Variants in CD1C observed in about 807,000 individuals in gnomAD.
The protein encoded by CD1C is T-cell surface glycoprotein CD1c.
A neutral mutation model predicts 39.4 loss-of-function variants in CD1C; 47 were observed. The observed-to-expected ratio is 1.19, with a 90% CI of 0.94 to 1.52. The LOEUF (loss-of-function observed/expected upper bound fraction) is 1.52, where lower values mean the gene tolerates loss of function less well. CD1C is among the 40% of genes most tolerant of loss of function. The probability of loss-of-function intolerance (pLI) is 0.00; values close to 1 mark genes in which losing one functional copy is unlikely to be tolerated. For missense variants in CD1C, 417 were observed against 395.2 expected (o/e 1.06, Z -0.47); for synonymous variants, 165 against 150.8 (o/e 1.09, Z -0.69).
In CD1C at chr1:158,292,685, C is replaced by T. The variant is rs772544606; in HGVS notation, c.700C>T (p.Pro234Ser). 8.1e-6 allele frequency: 13 copies of T among 1,613,916 alleles called. No individual in the cohort carries two copies. The highest frequency in any genetic ancestry group is 1.0e-5 in the Non-Finnish European group (12 of 1,180,008). The change falls in exon 4 of 6, where the codon CCT becomes TCT. Residue 234 changes from proline (P) to serine (S), a missense_variant. Physicochemically the swap from Pro to Ser is moderately conservative, Grantham distance 74 (BLOSUM62 -1). Coordinates refer to ENST00000368170, the MANE Select transcript of CD1C (RefSeq NM_001765.3). ...TCATGCCTCCGGCTTCTACCCAAAG[C>T]CTGTTTGGGTGACATGGATGCGGAA... ...VCHASGFYPK[P>S]VWVTWMRNEQ... is the part of the protein sequence containing the mutation.
In CD1C at chr1:158,292,736, C is replaced by T. The variant is rs1240218156; in HGVS notation, c.751C>T (p.His251Tyr). 6.2e-7 allele frequency: 1 copy of T among 1,614,178 alleles called. No individual in the cohort carries two copies. Among genetic ancestry groups the T allele is most frequent in the Admixed American group, 1.7e-5 (1 of 60,024 alleles). Reference sequence around the variant, plus strand: ...TGAACAGGAGCAACTGGGCACTAAACATGGTGATATTCTTCCTAATGCTGA... The same window carrying T: ...TGAACAGGAGCAACTGGGCACTAAATATGGTGATATTCTTCCTAATGCTGA... ...RNEQEQLGTKHGDILPNADGT... is the reference protein window; with the variant it reads ...RNEQEQLGTKYGDILPNADGT... Residue 251 changes from histidine to tyrosine, a missense_variant, in exon 4 of 6, where the codon CAT becomes TAT. By Grantham distance (83) the His-to-Tyr change is moderately conservative. Coordinates refer to ENST00000368170, the MANE Select transcript of CD1C (RefSeq NM_001765.3).
rs376081322 is a variant in CD1C at position 158,293,380 on chromosome 1, A to G, written c.981-75A>G. ...TTTTTCACTCTCTTAGCTTTTCTCT[A>G]TTGACTACTCCACCTTATCCTCAGT... On this transcript the variant is annotated intron_variant, in intron 5 of 5. Coordinates refer to ENST00000368170, the MANE Select transcript of CD1C (RefSeq NM_001765.3). 2.5e-3 allele frequency: 4,047 copies of G among 1,594,014 alleles called. 14 individuals are homozygous for G. Among genetic ancestry groups the G allele is most frequent in the Non-Finnish European group, 2.5e-3 (2,878 of 1,163,884 alleles).
rs1571147169 is a variant in CD1C at position 158,293,619 on chromosome 1, T to C, written c.*143T>C. The C allele has an allele frequency of 1.3e-6, 2 of 1,587,784 alleles. No individual in the cohort carries two copies. Among genetic ancestry groups the C allele is most frequent in the Non-Finnish European group, 1.7e-6 (2 of 1,163,570 alleles). On this transcript the variant is annotated 3_prime_UTR_variant, in exon 6 of 6. Transcript: ENST00000368170. ...AAACATTTGTTAATAAAAACCAAAT[T>C]CTAATTTGGAATGTTTTTCTTGGAA... is the stretch of plus-strand genomic sequence containing the variant.
At position 158,291,182 on chromosome 1, in the gene CD1C, T is replaced by C. The variant is rs145844048; in HGVS notation, c.110T>C (p.Val37Ala). 6.8e-6 allele frequency: 11 copies of C among 1,613,960 alleles called. No individual in the cohort carries two copies. Among genetic ancestry groups the C allele is most frequent in the Non-Finnish European group, 9.3e-6 (11 of 1,179,982 alleles). Residue 37 changes from valine to alanine, a missense_variant, in exon 2 of 6, where the codon GTC becomes GCC. By Grantham distance (64) the Val-to-Ala change is moderately conservative (BLOSUM62 0). Coordinates refer to ENST00000368170, the MANE Select transcript of CD1C (RefSeq NM_001765.3). ...SFHVIQIFSF[V>A]NQSWARGQGS... ...CATGTCATCCAGATCTTCTCATTTG[T>C]CAACCAATCCTGGGCACGAGGTCAG...
chr1:158,291,105 TACACTACTTGCC>T lies in CD1C; in HGVS notation c.62-28_62-17del. The T allele has an allele frequency of 6.3e-7, 1 of 1,596,590 alleles. No individual in the cohort carries two copies. On this transcript the variant is annotated splice_polypyrimidine_tract_variant and intron_variant, in intron 1 of 5. Transcript: ENST00000368170. ...TTGCCTCTCTTTTTTTTTTTTTCCTTACACTACTTGCCCTTCTTCCACCAAAAGCATCCCAGG... is the reference window on the plus strand; with the variant it reads ...TTGCCTCTCTTTTTTTTTTTTTCCTTCTTCTTCCACCAAAAGCATCCCAGG...
intron 4 of CD1C, 108 bp from the exon 5 acceptor site, chr1:158,293,104 A>G: frequency 1.0e-6 from 1 of 959,840 alleles, no homozygotes; most frequent in Non-Finnish European, 1.6e-6. Context: ...GAAATAGGAT[A>G]ACTGATGCAA....
intron 1 of CD1C, 78 bp from the exon 2 acceptor site, chr1:158,291,056 C>T (rs898455262): frequency 4.2e-6 from 6 of 1,432,800 alleles, no homozygotes; most frequent in Non-Finnish European, 5.7e-6. Context: ...AACTGGTTCA[C>T]CTTCCATTTT....
In CD1C at chr1:158,290,639, G is replaced by A. The variant is rs1014002931; in HGVS notation, c.62-495G>A. On this transcript the variant is annotated intron_variant, in intron 1 of 5. Coordinates refer to ENST00000368170, the MANE Select transcript of CD1C (RefSeq NM_001765.3). Reference sequence around the variant, plus strand: ...TTAAGGGAAGCAGATTGTCTTAGTTGCTGTCAGTGGCTGATGGGGAAGATT... The same window carrying A: ...TTAAGGGAAGCAGATTGTCTTAGTTACTGTCAGTGGCTGATGGGGAAGATT... Among the ~76,000 whole-genome samples the A allele has an allele frequency of 2.0e-5, 3 of 152,160 alleles. No individual in the cohort carries two copies. The South Asian group carries it at 6.2e-4, about 31-fold the overall frequency.
In CD1C at chr1:158,291,393, C is replaced by A; in HGVS notation, c.321C>A (p.Tyr107Ter). ...REIQDHASQD[Y>*]SKYPFEVQVK... ...TTCAAGACCATGCAAGTCAAGATTA[C>A]TCGAAATGTAAGTTCAATCATCTAA... The change falls in exon 2 of 6, where the codon TAC becomes TAA. Residue 107 changes from tyrosine to a stop codon, truncating the protein, a stop_gained. Coordinates refer to ENST00000368170, the MANE Select transcript of CD1C (RefSeq NM_001765.3). LOFTEE classifies it high-confidence loss of function. The A allele has an allele frequency of 6.2e-7, 1 of 1,613,228 alleles. No individual in the cohort carries two copies. The highest frequency in any genetic ancestry group is 8.5e-7 in the Non-Finnish European group (1 of 1,179,232).
rs570796846 is a variant in CD1C, at chr1:158,290,093, CTCT to C, written c.36_38del (p.Leu13del). The C allele has an allele frequency of 5.7e-5, 92 of 1,613,706 alleles. No homozygotes were observed. The African/African-American group carries it at 1.1e-3, about 18-fold the overall frequency. ...CTGTTTCTGCAGTTTCTGCTGCTAG[CTCT>C]TCTTCTCCCAGGTGGTGACAATGCA... On this transcript the variant is annotated inframe_deletion, in exon 1 of 6. Coordinates refer to ENST00000368170, the MANE Select transcript of CD1C (RefSeq NM_001765.3).
In CD1C at chr1:158,294,709, C is replaced by G. The variant is rs1001814127; in HGVS notation, c.*1233C>G. Among the ~76,000 whole-genome samples, 1 of 152,184 alleles carries G rather than the reference C, an allele frequency of 6.6e-6. No individual in the cohort carries two copies. Among genetic ancestry groups the G allele is most frequent in the Non-Finnish European group, 1.5e-5 (1 of 68,036 alleles). ...TTGCAACTACTGATATACTTTATGT[C>G]ACTTAAGCTTAAACTTGTATTTTCT... On this transcript the variant is annotated 3_prime_UTR_variant, in exon 6 of 6. Coordinates refer to ENST00000368170, the MANE Select transcript of CD1C (RefSeq NM_001765.3).
rs1458721293 is a variant in CD1C, at chr1:158,292,664, G to A, written c.679G>A (p.Ala227Thr). The A allele has an allele frequency of 1.9e-6, 3 of 1,613,850 alleles. No individual in the cohort carries two copies. In the Admixed American group the frequency reaches 5.0e-5, roughly 27 times the overall value. Residue 227 changes from alanine to threonine, a missense_variant, in exon 4 of 6, where the codon GCC becomes ACC. Coordinates refer to ENST00000368170, the MANE Select transcript of CD1C (RefSeq NM_001765.3). ...GSGQLLLVCH[A>T]SGFYPKPVWV... is the part of the protein sequence containing the mutation. ...TGGCCAGCTGTTGCTGGTTTGTCAT[G>A]CCTCCGGCTTCTACCCAAAGCCTGT...
chr1:158,293,142 A>T, intron 4 of CD1C, 70 bp from the exon 5 acceptor site: 1 of 1,226,438 alleles, frequency 8.2e-7, no homozygotes, highest in Non-Finnish European at 1.2e-6. Context: ...TTAAGTAAGG[A>T]AATCAATAGA....
rs1302129006 is a variant in CD1C, at chr1:158,293,990, G to C, written c.*514G>C. Reference sequence around the variant, plus strand: ...TGGAAATATTCATGCTTCTCTTTTTGTTTAAATGCTTCATACCTAGCAGAT... The same window carrying C: ...TGGAAATATTCATGCTTCTCTTTTTCTTTAAATGCTTCATACCTAGCAGAT... On this transcript the variant is annotated 3_prime_UTR_variant, in exon 6 of 6. Transcript: ENST00000368170. Among the ~76,000 whole-genome samples the C allele has an allele frequency of 6.6e-6, 1 of 152,004 alleles. No homozygotes were observed. Among genetic ancestry groups the C allele is most frequent in the East Asian group, 1.9e-4 (1 of 5,196 alleles).
chr1:158,292,910 C>T, intron 4 of CD1C, 36 bp downstream of exon 4: 1 of 1,605,994 alleles, frequency 6.2e-7, no homozygotes, highest in Non-Finnish European at 8.5e-7. Flanking sequence ...GTAGGTGGTT[C>T]TTGAGCCTAG....
intron 1 of CD1C, among the ~76,000 whole-genome samples, chr1:158,290,473 G>A (rs779579806): frequency 1.4e-4 from 21 of 152,152 alleles, no homozygotes; most frequent in Middle Eastern, 3.4e-3. Flanking sequence ...TCAATGCCAC[G>A]CACCACTTTG....
chr1:158,291,303 C>A lies in CD1C; in HGVS notation c.231C>A (p.Ser77Arg). Reference sequence around the variant, plus strand: ...ATAACTGGTCCAAGGGCAACTTCAGCAATGAAGAGTTGTCAGACCTAGAGT... The same window carrying A: ...ATAACTGGTCCAAGGGCAACTTCAGAAATGAAGAGTTGTCAGACCTAGAGT... ...FLHNWSKGNF[S>R]NEELSDLELL... Residue 77 changes from serine to arginine, a missense_variant, in exon 2 of 6, where the codon AGC becomes AGA. Physicochemically the swap from Ser to Arg is moderately radical, Grantham distance 110. Coordinates refer to ENST00000368170, the MANE Select transcript of CD1C (RefSeq NM_001765.3). The A allele has an allele frequency of 1.2e-6, 2 of 1,614,076 alleles. No individual in the cohort carries two copies. Among genetic ancestry groups the A allele is most frequent in the Non-Finnish European group, 1.7e-6 (2 of 1,179,972 alleles).
chr1:158,293,335 G>T (rs1651121408), intron 5 of CD1C, 33 bp downstream of exon 5: 1 of 1,597,980 alleles, frequency 6.3e-7, no homozygotes, highest in Non-Finnish European at 8.6e-7. Context: ...TCTCCTCCCA[G>T]TTTCTTATTT....
chr1:158,293,281 T>C lies in CD1C; in HGVS notation c.959T>C (p.Val320Ala). 1 of 1,614,042 alleles carries C rather than the reference T, an allele frequency of 6.2e-7. No individual in the cohort carries two copies. The highest frequency in any genetic ancestry group is 8.5e-7 in the Non-Finnish European group (1 of 1,179,922). The change falls in exon 5 of 6, where the codon GTG (valine) becomes GCG (alanine). Residue 320 changes from valine (V) to alanine (A), a missense_variant. Physicochemically the swap from Val to Ala is moderately conservative, Grantham distance 64. Transcript: ENST00000368170. ...IVPLVILIVL[V>A]LWFKKHCSYQ... ...CCCTTGGTGATTCTAATAGTCCTTG[T>C]GTTATGGTTTAAGAAGCACTGGTGA...
Sources: gnomAD v4.1 joint callset for allele counts (sites outside exome capture counted in the v4.1 genomes callset) on GRCh38, gnomAD v4.1.1 for gene constraint, MANE v1.5 for transcripts, NCBI Gene and HGNC (gene_info 2026-07-23, HGNC 2026-07-21) for gene names.